Variants in DPP10 observed in about 807,000 individuals in gnomAD.
The protein encoded by DPP10 is dipeptidyl peptidase like 10, also known as inactive dipeptidyl peptidase 10.
Under a neutral mutation model 120.9 loss-of-function variants are expected in DPP10, and 33 were observed. That is an observed-to-expected ratio of 0.27 (90% CI 0.21 to 0.37). The LOEUF is 0.37. Ranked by LOEUF, DPP10 falls within the 10% of genes least tolerant of loss-of-function variation. The pLI, the probability that DPP10 is intolerant of heterozygous loss-of-function variation, is 1.00. For synonymous variants in DPP10, 337 were observed against 326.1 expected (o/e 1.03, Z -0.36); for missense variants, 816 against 942.8 (o/e 0.87, Z 1.76).
chr2:114,877,874 C>T (rs146766228), intron 1 of DPP10, among the ~76,000 whole-genome samples: 3 of 152,032 alleles, frequency 2.0e-5, no homozygotes, highest in African/African-American at 7.2e-5. Flanking sequence ...CCACTAGATG[C>T]TAGCAGCAGT....
At chr2:115,302,681 T>C (rs71418550) in intron 1 of DPP10, among the ~76,000 whole-genome samples, 5,558 of 152,134 alleles carry the variant, frequency 0.037, 218 homozygotes, top group East Asian at 0.2. Flanking sequence ...TTGGCATTTC[T>C]AACAAGCTTC....
chr2:114,719,872 C>A (rs969425087), intron 1 of DPP10, among the ~76,000 whole-genome samples: 3 of 152,134 alleles, frequency 2.0e-5, no homozygotes, highest in African/African-American at 7.2e-5. Context: ...CATTCAATAG[C>A]AATGGACTTG....
At chr2:114,534,908 C>T (rs983261926) in intron 1 of DPP10, among the ~76,000 whole-genome samples, 1 of 152,066 alleles carries the variant, frequency 6.6e-6, no homozygotes, top group Admixed American at 6.6e-5. Flanking sequence ...CCTTCTGGGG[C>T]CCCTTGAGGA....
chr2:115,268,822 T>G (rs2059568540), intron 1 of DPP10, among the ~76,000 whole-genome samples: 1 of 152,208 alleles, frequency 6.6e-6, no homozygotes, highest in South Asian at 2.1e-4. Context: ...TTTTATCCAG[T>G]GTATTTTAAG....
At chr2:115,262,621 A>G (rs1021148739) in intron 1 of DPP10, among the ~76,000 whole-genome samples, 7 of 152,162 alleles carry the variant, frequency 4.6e-5, no homozygotes, top group Non-Finnish European at 8.8e-5. Context: ...TAAAAATTCA[A>G]GTTTTCCACA....
chr2:115,380,270 C>G (rs1339689138), intron 3 of DPP10, among the ~76,000 whole-genome samples: 1 of 152,152 alleles, frequency 6.6e-6, no homozygotes, highest in Admixed American at 6.5e-5. Context: ...GGATAGTTAG[C>G]TCTTCTTGTT....
At chr2:115,148,146 C>T (rs533264955) in intron 1 of DPP10, among the ~76,000 whole-genome samples, 1 of 152,166 alleles carries the variant, frequency 6.6e-6, no homozygotes, top group Non-Finnish European at 1.5e-5. Context: ...ACAAATCCTG[C>T]TAAGAGCATT....
intron 7 of DPP10, among the ~76,000 whole-genome samples, chr2:115,694,497 A>T (rs748127149): frequency 4.7e-4 from 72 of 152,220 alleles, no homozygotes; most frequent in Non-Finnish European, 7.6e-4. Context: ...GGCAATTTAG[A>T]TGTGTCAAAA....
intron 1 of DPP10, among the ~76,000 whole-genome samples, chr2:114,917,755 T>C (rs531655537): frequency 6.6e-6 from 1 of 152,106 alleles, no homozygotes; most frequent in East Asian, 1.9e-4. Context: ...GCTAGCCACA[T>C]GCAGAAGACT....
chr2:114,927,999 G>A (rs539798560), intron 1 of DPP10, among the ~76,000 whole-genome samples: 1 of 152,258 alleles, frequency 6.6e-6, no homozygotes, highest in African/African-American at 2.4e-5. Flanking sequence ...CACCAGGGAA[G>A]GCATTAAGGT....
At chr2:114,615,083 C>A (rs910379590) in intron 1 of DPP10, among the ~76,000 whole-genome samples, 1 of 152,160 alleles carries the variant, frequency 6.6e-6, no homozygotes, top group Non-Finnish European at 1.5e-5. Context: ...GAGTATGCAT[C>A]TATCAGGGGA....
chr2:114,605,143 G>T (rs1027136646), intron 1 of DPP10, among the ~76,000 whole-genome samples: 3 of 152,212 alleles, frequency 2.0e-5, no homozygotes, highest in African/African-American at 7.2e-5. Flanking sequence ...TGTGGTCATT[G>T]CTATGGATTG....
chr2:115,235,965 A>G (rs889380389), intron 1 of DPP10, among the ~76,000 whole-genome samples: 1 of 151,998 alleles, frequency 6.6e-6, no homozygotes, highest in Admixed American at 6.6e-5. Flanking sequence ...CACTTAAATT[A>G]CTCCCTAAGT....
chr2:114,638,544 T>C (rs1695470388), intron 1 of DPP10, among the ~76,000 whole-genome samples: 1 of 151,850 alleles, frequency 6.6e-6, no homozygotes, highest in Non-Finnish European at 1.5e-5. Flanking sequence ...TCACTAATTA[T>C]CAGAGAAATG....
intron 1 of DPP10, among the ~76,000 whole-genome samples, chr2:115,242,352 A>G (rs1277467758): frequency 6.6e-6 from 1 of 151,474 alleles, no homozygotes; most frequent in Non-Finnish European, 1.5e-5. Context: ...TTTTTCTTTT[A>G]TGGCTGAGTA....
At chr2:114,816,967 G>A (rs1685687309) in intron 1 of DPP10, among the ~76,000 whole-genome samples, 2 of 152,200 alleles carry the variant, frequency 1.3e-5, no homozygotes, top group Admixed American at 1.3e-4. Flanking sequence ...GATATAGACT[G>A]TTAATATCTC....
chr2:115,344,848 G>A (rs949575256), intron 3 of DPP10, among the ~76,000 whole-genome samples: 2 of 152,084 alleles, frequency 1.3e-5, no homozygotes, highest in Non-Finnish European at 2.9e-5. Context: ...GGCATAGAGT[G>A]TATTATTTGT....
chr2:115,797,474 A>C (rs898548721), intron 19 of DPP10, among the ~76,000 whole-genome samples: 2 of 152,004 alleles, frequency 1.3e-5, no homozygotes, highest in Non-Finnish European at 2.9e-5. Flanking sequence ...ATACCGTCTG[A>C]TGTGGGTGAA....
intron 1 of DPP10, among the ~76,000 whole-genome samples, chr2:114,745,653 A>G (rs913861423): frequency 3.3e-5 from 5 of 152,244 alleles, no homozygotes; most frequent in Non-Finnish European, 7.3e-5. Flanking sequence ...GTGATAATTG[A>G]TTTCCATTTC....
Sources: allele counts gnomAD v4.1 joint callset (sites outside exome capture counted in the v4.1 genomes callset), GRCh38; gene constraint gnomAD v4.1.1; transcripts MANE v1.5; gene names NCBI Gene and HGNC (gene_info 2026-07-23, HGNC 2026-07-21).